Variants in CHST11 observed in about 807,000 individuals in gnomAD.
The protein encoded by CHST11 is C4S-1.
CHST11 carries 9 observed loss-of-function variants against 30.4 expected under a neutral mutation model. The ratio of observed to expected loss-of-function variants is 0.30; its 90% CI spans 0.18 to 0.52. CHST11 has a LOEUF of 0.52. Among genes scored for constraint, CHST11 ranks in the 20% least tolerant of loss-of-function variants. CHST11 has a pLI of 0.97. For missense variants in CHST11, 348 were observed against 460.6 expected, an observed-to-expected ratio of 0.76 and a Z score of 2.24; for synonymous variants, 152 against 187.8, an observed-to-expected ratio of 0.81 and a Z score of 1.56.
At chr12:104,733,775 T>C (rs750017336) in intron 2 of CHST11, among the ~76,000 whole-genome samples, 8 of 152,096 alleles carry the variant, frequency 5.3e-5, no homozygotes, top group Admixed American at 2.0e-4. Flanking sequence ...CCCAGGGAGA[T>C]TGGTTGGCTG....
At chr12:104,701,567 AG>A (rs1340600034) in intron 2 of CHST11, among the ~76,000 whole-genome samples, 1 of 152,142 alleles carries the variant, frequency 6.6e-6, no homozygotes, top group Non-Finnish European at 1.5e-5. Context: ...GCAGGAGTCA[AG>A]CAGAGGCTAA....
chr12:104,517,378 C>T (rs529898821), intron 1 of CHST11, among the ~76,000 whole-genome samples: 48 of 152,332 alleles, frequency 3.2e-4, no homozygotes, highest in African/African-American at 1.0e-3. Flanking sequence ...TTATGGTCAT[C>T]AGTGCCCTCT....
intron 1 of CHST11, among the ~76,000 whole-genome samples, chr12:104,491,984 G>C (rs2037751933): frequency 6.6e-6 from 1 of 152,158 alleles, no homozygotes; most frequent in Non-Finnish European, 1.5e-5. Context: ...TGCACCTGCT[G>C]TTCTTCCCAA....
chr12:104,534,231 T>C (rs2038214534), intron 1 of CHST11, among the ~76,000 whole-genome samples: 1 of 152,214 alleles, frequency 6.6e-6, no homozygotes, highest in African/African-American at 2.4e-5. Flanking sequence ...AGAATATTGC[T>C]TTGACTAAGG....
At chr12:104,749,463 A>G (rs949560754) in intron 2 of CHST11, among the ~76,000 whole-genome samples, 1 of 152,256 alleles carries the variant, frequency 6.6e-6, no homozygotes, top group Non-Finnish European at 1.5e-5. Context: ...CCTTTTGAGA[A>G]AGCAAACAAG....
intron 2 of CHST11, among the ~76,000 whole-genome samples, chr12:104,695,018 C>G (rs2039931159): frequency 6.6e-6 from 1 of 152,178 alleles, no homozygotes; most frequent in South Asian, 2.1e-4. Context: ...GTCCTTGAGT[C>G]AGCTGTTGAG....
At chr12:104,652,892 C>G (rs1245895179) in intron 2 of CHST11, among the ~76,000 whole-genome samples, 1 of 152,172 alleles carries the variant, frequency 6.6e-6, no homozygotes, top group Non-Finnish European at 1.5e-5. Flanking sequence ...TCCCTACACG[C>G]TCCCTACACA....
intron 2 of CHST11, among the ~76,000 whole-genome samples, chr12:104,641,459 A>G (rs1000765830): frequency 6.6e-6 from 1 of 151,692 alleles, no homozygotes; most frequent in Admixed American, 6.6e-5. Context: ...GTTCACCCCC[A>G]CCTCCTGCAC....
intron 1 of CHST11, among the ~76,000 whole-genome samples, chr12:104,489,955 T>C (rs1208859958): frequency 6.6e-6 from 1 of 152,216 alleles, no homozygotes; most frequent in Non-Finnish European, 1.5e-5. Context: ...GACCAGATTC[T>C]ACCTCAAGCA....
rs2040237433 is a variant in CHST11, at chr12:104,729,156, C to T, written c.205-27793C>T. Among the ~76,000 whole-genome samples the T allele has an allele frequency of 6.6e-6, 1 of 152,042 alleles. No homozygotes were observed. The highest frequency in any genetic ancestry group is 2.1e-4 in the South Asian group (1 of 4,830). On this transcript the variant is annotated intron_variant, in intron 2 of 2. Coordinates refer to ENST00000303694, the MANE Select transcript of CHST11 (RefSeq NM_018413.6). This position sits in a 1 kb window ranked among gnomAD's most constrained non-coding sequence, Gnocchi z 4.0. ...CAGGAAACAAAAGAGACAGAAAAAA[C>T]ACAGAGGCCAAGATGAGCTGACAGA...
intron 2 of CHST11, among the ~76,000 whole-genome samples, chr12:104,644,245 C>T (rs34993754): frequency 1.3e-5 from 2 of 152,104 alleles, no homozygotes; most frequent in African/African-American, 4.8e-5. Flanking sequence ...ACACCCCCTA[C>T]CTTCCCTGCA....
chr12:104,668,084 A>AC (rs374932825), intron 2 of CHST11, among the ~76,000 whole-genome samples: 1,196 of 104,504 alleles, frequency 0.011, 19 homozygotes, highest in African/African-American at 0.051. Flanking sequence ...CCCCTGGCTT[A>AC]CCCCCACACC....
intron 2 of CHST11, among the ~76,000 whole-genome samples, chr12:104,638,663 T>G (rs903110593): frequency 2.0e-5 from 3 of 152,224 alleles, no homozygotes; most frequent in Non-Finnish European, 4.4e-5. Context: ...CTGCTAACTT[T>G]GCAGAAGAAT....
intron 2 of CHST11, among the ~76,000 whole-genome samples, chr12:104,664,531 G>A (rs2039625544): frequency 6.6e-6 from 1 of 152,080 alleles, no homozygotes; most frequent in South Asian, 2.1e-4. Flanking sequence ...CTGGATGCCA[G>A]CAACAGTCAC....
chr12:104,602,286 T>C (rs758894406), intron 2 of CHST11: 110 of 459,252 alleles, frequency 2.4e-4, no homozygotes, highest in Non-Finnish European at 4.0e-4. Context: ...GACTCGGGAA[T>C]TAAAGGTCCA....
At chr12:104,719,738 C>T (rs776276610) in intron 2 of CHST11, among the ~76,000 whole-genome samples, 4 of 152,184 alleles carry the variant, frequency 2.6e-5, no homozygotes, top group Non-Finnish European at 5.9e-5. Flanking sequence ...CATGGCCAGC[C>T]GGCCCTGGCT....
chr12:104,688,665 T>C (rs1271580723), intron 2 of CHST11, among the ~76,000 whole-genome samples: 1 of 152,254 alleles, frequency 6.6e-6, no homozygotes, highest in Non-Finnish European at 1.5e-5. Flanking sequence ...TCCTTAAGGA[T>C]GTTCACACAG....
chr12:104,602,604 A>C (rs1361472641), intron 2 of CHST11, among the ~76,000 whole-genome samples: 2 of 152,196 alleles, frequency 1.3e-5, no homozygotes, highest in African/African-American at 4.8e-5. Flanking sequence ...GTGCAAAGTT[A>C]GGAGGCCTGG....
intron 2 of CHST11, among the ~76,000 whole-genome samples, chr12:104,612,408 G>A (rs1202160842): frequency 6.6e-6 from 1 of 152,238 alleles, no homozygotes. Context: ...CTCCCCCTGT[G>A]TGGGTGCCTG....
Sources: allele counts gnomAD v4.1 joint callset (sites outside exome capture counted in the v4.1 genomes callset), GRCh38; gene constraint gnomAD v4.1.1; non-coding constraint Gnocchi (gnomAD v3.1); transcripts MANE v1.5; gene names NCBI Gene and HGNC (gene_info 2026-07-23, HGNC 2026-07-21).